Variants in DPP10 observed in about 807,000 individuals in gnomAD.
The protein encoded by DPP10 is inactive dipeptidyl peptidase 10.
In DPP10, 33 loss-of-function variants were observed where a neutral mutation model predicts 120.9. That is an observed-to-expected ratio of 0.27 (90% CI 0.21 to 0.37). The LOEUF (loss-of-function observed/expected upper bound fraction) is 0.37, where lower values mean the gene tolerates loss of function less well. Among genes scored for constraint, DPP10 ranks in the 10% least tolerant of loss-of-function variants. The pLI, the probability that DPP10 is intolerant of heterozygous loss-of-function variation, is 1.00. For missense variants in DPP10, 816 were observed against 942.8 expected (o/e 0.87, Z 1.76); for synonymous variants, 337 against 326.1 (o/e 1.03, Z -0.36).
intron 3 of DPP10, chr2:115,468,179 A>G: frequency 4.1e-6 from 2 of 493,072 alleles, no homozygotes; most frequent in Admixed American, 4.1e-5. Flanking sequence ...CTGGAAAAGG[A>G]AAAGTGATGG....
At chr2:115,679,215 A>G (rs1011016031) in intron 5 of DPP10, among the ~76,000 whole-genome samples, 11 of 152,014 alleles carry the variant, frequency 7.2e-5, no homozygotes, top group African/African-American at 2.7e-4. Context: ...CATGGGTGGA[A>G]TGATATGATT....
intron 1 of DPP10, among the ~76,000 whole-genome samples, chr2:115,242,049 T>C (rs976202766): frequency 6.6e-6 from 1 of 152,142 alleles, no homozygotes; most frequent in Non-Finnish European, 1.5e-5. Context: ...TAGTATTTGG[T>C]TGCATGAGTA....
chr2:114,793,803 C>T (rs1340276043), intron 1 of DPP10, among the ~76,000 whole-genome samples: 2 of 152,180 alleles, frequency 1.3e-5, no homozygotes, highest in African/African-American at 4.8e-5. Context: ...CCCCCTCATT[C>T]TCCCTCCCCT....
At chr2:115,483,174 C>T (rs916236877) in intron 3 of DPP10, among the ~76,000 whole-genome samples, 4 of 152,024 alleles carry the variant, frequency 2.6e-5, no homozygotes, top group Non-Finnish European at 5.9e-5. Flanking sequence ...CATCATCATA[C>T]TCAAGATCAC....
chr2:114,751,985 G>C (rs1028161840), intron 1 of DPP10, among the ~76,000 whole-genome samples: 1 of 152,202 alleles, frequency 6.6e-6, no homozygotes, highest in African/African-American at 2.4e-5. Flanking sequence ...CCCAGGTGAT[G>C]CTTCTGCTAT....
intron 1 of DPP10, among the ~76,000 whole-genome samples, chr2:114,955,837 C>T (rs1361416857): frequency 6.6e-6 from 1 of 152,210 alleles, no homozygotes; most frequent in Non-Finnish European, 1.5e-5. Context: ...GAATGAAGGA[C>T]TAAGCTATAT....
chr2:114,723,651 G>A (rs977155104), intron 1 of DPP10, among the ~76,000 whole-genome samples: 19 of 152,144 alleles, frequency 1.2e-4, no homozygotes, highest in Non-Finnish European at 1.9e-4. Flanking sequence ...TCCTTATTGA[G>A]CCCAGCAGAG....
At chr2:115,524,717 C>G (rs191755696) in intron 4 of DPP10, among the ~76,000 whole-genome samples, 1 of 152,196 alleles carries the variant, frequency 6.6e-6, no homozygotes, top group East Asian at 1.9e-4. Context: ...TATAAGCTAA[C>G]GCCTCCCCTC....
intron 5 of DPP10, among the ~76,000 whole-genome samples, chr2:115,609,853 A>G (rs554506949): frequency 1.0e-3 from 153 of 152,284 alleles, no homozygotes; most frequent in African/African-American, 3.4e-3. Context: ...TTAAAAACTG[A>G]AATATGCCAT....
At chr2:114,731,715 T>C (rs1676933211) in intron 1 of DPP10, among the ~76,000 whole-genome samples, 1 of 152,066 alleles carries the variant, frequency 6.6e-6, no homozygotes, top group South Asian at 2.1e-4. Context: ...ACACATGAAA[T>C]AGCAGAAGCA....
intron 5 of DPP10, among the ~76,000 whole-genome samples, chr2:115,631,633 A>C (rs909789125): frequency 1.3e-5 from 2 of 152,168 alleles, no homozygotes; most frequent in Admixed American, 6.5e-5. Flanking sequence ...TTGGTTTCAA[A>C]GAACTTCTTG....
intron 1 of DPP10, among the ~76,000 whole-genome samples, chr2:114,766,025 C>T (rs1013161202): frequency 4.6e-5 from 7 of 151,666 alleles, no homozygotes; most frequent in Non-Finnish European, 1.0e-4. Context: ...TGAGTGTTTG[C>T]AGAAATAAGA....
intron 1 of DPP10, among the ~76,000 whole-genome samples, chr2:114,965,834 C>T (rs1442691669): frequency 3.3e-5 from 5 of 151,468 alleles, no homozygotes; most frequent in Non-Finnish European, 4.4e-5. Flanking sequence ...GGGACAATGG[C>T]GAGCACCTGT....
At chr2:115,598,642 ATAATT>A (rs2083132053) in intron 5 of DPP10, among the ~76,000 whole-genome samples, 1 of 151,980 alleles carries the variant, frequency 6.6e-6, no homozygotes, top group African/African-American at 2.4e-5. Context: ...AAATCCATAA[ATAATT>A]TTATAATATT....
chr2:115,484,935 G>A (rs759684841), intron 3 of DPP10, among the ~76,000 whole-genome samples: 17 of 151,798 alleles, frequency 1.1e-4, no homozygotes, highest in South Asian at 6.2e-4. Flanking sequence ...CTTGTATATC[G>A]TGTCACGTGC....
intron 1 of DPP10, among the ~76,000 whole-genome samples, chr2:114,668,531 A>G (rs941374728): frequency 7.2e-5 from 11 of 152,308 alleles, no homozygotes; most frequent in African/African-American, 2.6e-4. Context: ...CTTACCAGCT[A>G]TCTGAGCAGC....
intron 7 of DPP10, among the ~76,000 whole-genome samples, chr2:115,722,735 T>C (rs978523780): frequency 6.6e-6 from 1 of 152,170 alleles, no homozygotes; most frequent in Non-Finnish European, 1.5e-5. Flanking sequence ...ACCAAAACAT[T>C]GTAATGCAGT....
At chr2:115,444,096 A>G (rs1383885412) in intron 3 of DPP10, among the ~76,000 whole-genome samples, 3 of 152,152 alleles carry the variant, frequency 2.0e-5, no homozygotes, top group African/African-American at 7.2e-5. Context: ...AGTGTGTGGT[A>G]AGGTGCTCTG....
intron 1 of DPP10, among the ~76,000 whole-genome samples, chr2:114,792,454 T>C (rs187238591): frequency 6.6e-6 from 1 of 152,304 alleles, no homozygotes; most frequent in East Asian, 1.9e-4. Flanking sequence ...GGGAAATAAG[T>C]AGAACTATTC....
Sources: gnomAD v4.1 joint callset for allele counts (sites outside exome capture counted in the v4.1 genomes callset) on GRCh38, gnomAD v4.1.1 for gene constraint, MANE v1.5 for transcripts, NCBI Gene and HGNC (gene_info 2026-07-23, HGNC 2026-07-21) for gene names.